CCDC150: variants seen among roughly 807,000 people sequenced by gnomAD.
CCDC150 encodes coiled-coil domain-containing protein 150.
CCDC150 carries 151 observed loss-of-function variants against 156.5 expected under a neutral mutation model. The observed-to-expected ratio is 0.97, with a 90% CI of 0.85 to 1.10. The LOEUF (loss-of-function observed/expected upper bound fraction) is 1.10, where lower values mean the gene tolerates loss of function less well. Ranked by LOEUF, CCDC150 falls within the 50% of genes least tolerant of loss-of-function variation. The probability of loss-of-function intolerance (pLI) is 0.00; values close to 1 mark genes in which losing one functional copy is unlikely to be tolerated. For missense variants in CCDC150, 1,312 were observed against 1,268.1 expected, an observed-to-expected ratio of 1.03 and a Z score of -0.53; for synonymous variants, 452 against 429.4, an observed-to-expected ratio of 1.05 and a Z score of -0.65.
intron 22 of CCDC150, chr2:196,726,849 A>C (rs902120772): frequency 6.6e-6 from 1 of 152,332 alleles, no homozygotes; most frequent in African/African-American, 2.4e-5. Context: ...GGATGGCCTT[A>C]GTTATAGAAA....
At chr2:196,721,825 C>T in intron 21 of CCDC150, 134 bp downstream of exon 21, 1 of 686,784 alleles carries the variant, frequency 1.5e-6, no homozygotes, top group East Asian at 3.0e-5. Flanking sequence ...CCAGCAGAGC[C>T]ATGTTAAGAA....
intron 4 of CCDC150, 121 bp from the exon 5 acceptor site, chr2:196,658,671 C>A: frequency 4.6e-6 from 3 of 650,306 alleles, no homozygotes; most frequent in Admixed American, 3.1e-5. Flanking sequence ...GTATTTATAA[C>A]CATATTAAAA....
chr2:196,663,995 A>C (rs1410307465), intron 5 of CCDC150, among the ~76,000 whole-genome samples: 2 of 152,294 alleles, frequency 1.3e-5, no homozygotes, highest in East Asian at 3.9e-4. Flanking sequence ...CCTAATAATA[A>C]AAGAGACTCT....
Position 196,730,952 on chromosome 2 carries a change from C to A in CCDC150, c.3069+7C>A. 6.3e-7 allele frequency: 1 copy of A among 1,587,540 alleles called. No homozygotes were observed. The highest frequency in any genetic ancestry group is 2.3e-5 in the East Asian group (1 of 43,808). On this transcript the variant is annotated splice_region_variant and intron_variant, in intron 26 of 27. Coordinates refer to ENST00000389175, the MANE Select transcript of CCDC150 (RefSeq NM_001080539.2). ...CAGTGTGGAATCAGAACAGGTGAGC[C>A]AGACCCACGGACATAAAGACTTAGA...
chr2:196,712,761 A>G (rs1697221275), intron 17 of CCDC150, 22 bp downstream of exon 17: 3 of 1,580,216 alleles, frequency 1.9e-6, no homozygotes, highest in African/African-American at 2.7e-5. Context: ...GAAAGTGCTT[A>G]CTTGTCAGCA....
chr2:196,708,555 T>G (rs1025446007), intron 15 of CCDC150, among the ~76,000 whole-genome samples: 1 of 152,188 alleles, frequency 6.6e-6, no homozygotes, highest in Admixed American at 6.5e-5. Flanking sequence ...CATCATGATG[T>G]TAGCTGGTTA....
At chr2:196,730,387 A>C (rs1332831842) in intron 25 of CCDC150, among the ~76,000 whole-genome samples, 1 of 152,252 alleles carries the variant, frequency 6.6e-6, no homozygotes, top group Non-Finnish European at 1.5e-5. Flanking sequence ...TCAGTTACTA[A>C]GTAAGACTTC....
At position 196,677,318 on chromosome 2, in the gene CCDC150, T is replaced by C. The variant is rs1305479933; in HGVS notation, c.1466T>C (p.Val489Ala). ...REVNKTEKEIVQERCNLEKEL... is the reference protein window; with the variant it reads ...REVNKTEKEIAQERCNLEKEL... ...GTTAATAAAACAGAAAAAGAAATAGTGCAAGAAAGATGCAATTTGGAAAAG... is the reference window on the plus strand; with the variant it reads ...GTTAATAAAACAGAAAAAGAAATAGCGCAAGAAAGATGCAATTTGGAAAAG... The change falls in exon 13 of 28, where the codon GTG becomes GCG. Residue 489 changes from valine to alanine, a missense_variant. Physicochemically the swap from Val to Ala is moderately conservative, Grantham distance 64. Coordinates refer to ENST00000389175, the MANE Select transcript of CCDC150 (RefSeq NM_001080539.2). 8 of 1,570,346 alleles carry C rather than the reference T, an allele frequency of 5.1e-6. No homozygotes were observed. The African/African-American group carries it at 1.1e-4, about 21-fold the overall frequency.
chr2:196,707,304 T>G (rs1382842022), intron 15 of CCDC150, among the ~76,000 whole-genome samples: 1 of 152,208 alleles, frequency 6.6e-6, no homozygotes, highest in African/African-American at 2.4e-5. Context: ...TAGAGGTGTT[T>G]ATAGTATTCT....
At chr2:196,724,997 C>T (rs974854792) in intron 21 of CCDC150, among the ~76,000 whole-genome samples, 8 of 152,154 alleles carry the variant, frequency 5.3e-5, no homozygotes, top group African/African-American at 1.9e-4. Context: ...ACTGGAGGGA[C>T]AGTTGCAGTT....
chr2:196,705,045 TATA>T (rs1340387748), intron 15 of CCDC150, among the ~76,000 whole-genome samples: 1 of 152,226 alleles, frequency 6.6e-6, no homozygotes, highest in Admixed American at 6.5e-5. Flanking sequence ...TAGCATGATT[TATA>T]ATCCTTTGGG....
At chr2:196,688,508 G>A (rs921179097) in intron 13 of CCDC150, among the ~76,000 whole-genome samples, 15 of 152,166 alleles carry the variant, frequency 9.9e-5, no homozygotes, top group African/African-American at 3.6e-4. Flanking sequence ...TGAGGCAATA[G>A]GGTTTTTGAG....
At chr2:196,681,203 A>G (rs1694798591) in intron 13 of CCDC150, among the ~76,000 whole-genome samples, 1 of 152,192 alleles carries the variant, frequency 6.6e-6, no homozygotes, top group Non-Finnish European at 1.5e-5. Context: ...AAATATAATC[A>G]TACAATATTT....
Position 196,729,978 on chromosome 2 carries a change from G to A in CCDC150, c.2842G>A (p.Val948Met). 2 of 1,613,250 alleles carry A rather than the reference G, an allele frequency of 1.2e-6. No homozygotes were observed. The highest frequency in any genetic ancestry group is 8.5e-7 in the Non-Finnish European group (1 of 1,179,650). ...YEQSLSIQRFVCEMTNLQKEM... is the reference protein window; with the variant it reads ...YEQSLSIQRFMCEMTNLQKEM... Reference sequence around the variant, plus strand: ...CCAGTCTTTGAGTATCCAGAGATTTGTGTGTGAAATGACTAACCTGCAGAA... The same window carrying A: ...CCAGTCTTTGAGTATCCAGAGATTTATGTGTGAAATGACTAACCTGCAGAA... The change falls in exon 25 of 28, where the codon GTG (valine) becomes ATG (methionine). Residue 948 changes from valine (V) to methionine (M), a missense_variant. Transcript: ENST00000389175.
At position 196,646,359 on chromosome 2, in the gene CCDC150, G is replaced by C. The variant is rs755650637; in HGVS notation, c.31G>C (p.Val11Leu). The C allele has an allele frequency of 1.2e-6, 2 of 1,613,822 alleles. No homozygotes were observed. Among genetic ancestry groups the C allele is most frequent in the Non-Finnish European group, 1.7e-6 (2 of 1,179,736 alleles). The change falls in exon 2 of 28, where the codon GTG (valine) becomes CTG (leucine). Residue 11 changes from valine to leucine, a missense_variant. Val to Leu is a conservative substitution (Grantham distance 32). Transcript: ENST00000389175. The part of the protein sequence containing the change: MDCKVHMETT[V>L]SRPVLSPTHI... Reference sequence around the variant, plus strand: ...TTCTTAGGTACATATGGAAACTACAGTGTCCAGACCGGTCCTTTCTCCAAC... The same window carrying C: ...TTCTTAGGTACATATGGAAACTACACTGTCCAGACCGGTCCTTTCTCCAAC...
chr2:196,730,817 G>T, intron 25 of CCDC150, 42 bp from the exon 26 acceptor site: 1 of 1,443,262 alleles, frequency 6.9e-7, no homozygotes, highest in East Asian at 2.5e-5. Flanking sequence ...GTTTCTTATG[G>T]TATGTTGGAA....
chr2:196,656,916 C>CTTCT (rs1559218584), intron 3 of CCDC150, 42 bp from the exon 4 acceptor site: 1 of 1,611,032 alleles, frequency 6.2e-7, no homozygotes, highest in East Asian at 2.2e-5. Context: ...CTTTACTGAC[C>CTTCT]TTCTTTCTGC....
In CCDC150 at chr2:196,721,515, C is replaced by T; in HGVS notation, c.2260-7C>T. On this transcript the variant is annotated splice_polypyrimidine_tract_variant and splice_region_variant and intron_variant, in intron 20 of 27. Coordinates refer to ENST00000389175, the MANE Select transcript of CCDC150 (RefSeq NM_001080539.2). ...AGTGGAATTGAAAACATGCTTCTCT[C>T]TTTCAGATTGAATCTCTACAAAAAG... is the stretch of plus-strand genomic sequence containing the variant. The T allele has an allele frequency of 1.3e-6, 2 of 1,590,958 alleles. No individual in the cohort carries two copies. The highest frequency in any genetic ancestry group is 1.7e-6 in the Non-Finnish European group (2 of 1,170,566).
At chr2:196,645,159 T>G (rs1692461035) in intron 1 of CCDC150, among the ~76,000 whole-genome samples, 1 of 152,044 alleles carries the variant, frequency 6.6e-6, no homozygotes, top group South Asian at 2.1e-4. Context: ...CTGGAACCTG[T>G]GGGAAGAAGA....
Sources: gnomAD v4.1 joint callset for allele counts (sites outside exome capture counted in the v4.1 genomes callset) on GRCh38, gnomAD v4.1.1 for gene constraint, MANE v1.5 for transcripts, NCBI Gene and HGNC (gene_info 2026-07-23, HGNC 2026-07-21) for gene names.